The following ADAMTS9 variants were observed in gnomAD, a reference collection of about 807,000 sequenced individuals.
The protein encoded by ADAMTS9 is ADAM metallopeptidase with thrombospondin type 1 motif 9, also known as A disintegrin and metalloproteinase with thrombospondin motifs 9.
A neutral mutation model predicts 257.1 loss-of-function variants in ADAMTS9; 107 were observed. The ratio of observed to expected loss-of-function variants is 0.42; its 90% confidence interval spans 0.36 to 0.49. ADAMTS9 has a LOEUF of 0.49. ADAMTS9 is among the 20% of genes least tolerant of loss of function. ADAMTS9 has a pLI of 0.03. For missense variants in ADAMTS9, 2,353 were observed against 2,469.1 expected (o/e 0.95, Z 1.00); for synonymous variants, 982 against 880.9 (o/e 1.11, Z -2.03).
chr3:64,546,853 T>C lies in ADAMTS9; in HGVS notation c.4969A>G (p.Ile1657Val). 1 of 1,614,120 alleles carries C rather than the reference T, an allele frequency of 6.2e-7. No homozygotes were observed. Residue 1657 changes from isoleucine to valine, a missense_variant, in exon 32 of 40, where the codon ATC becomes GTC. Ile to Val is a conservative substitution (Grantham distance 29). Around this residue, in one of 3 missense-constraint regions of ADAMTS9, gnomAD observed 1,402 missense variants for 1,441.4 expected, o/e 0.97. Transcript: ENST00000498707. ...GGGGGCTGCGTGCCTGGGCAGTTGA[T>C]GGTGGTTTGGTAGCTGTATTCATAA... ...ENYEYSYQTT[I>V]NCPGTQPPSV...
At chr3:64,574,179 C>T (rs894473046) in intron 28 of ADAMTS9, among the ~76,000 whole-genome samples, 3 of 152,126 alleles carry the variant, frequency 2.0e-5, no homozygotes, top group Admixed American at 1.3e-4. Flanking sequence ...TTCAAAAAGG[C>T]CACCCCAAGA....
intron 12 of ADAMTS9, among the ~76,000 whole-genome samples, chr3:64,638,179 A>G (rs1700548023): frequency 1.3e-5 from 2 of 152,182 alleles, no homozygotes; most frequent in African/African-American, 2.4e-5. Flanking sequence ...AGTAAAATAG[A>G]AGCACTGGAA....
chr3:64,562,379 T>C (rs1388146596), intron 29 of ADAMTS9, among the ~76,000 whole-genome samples: 1 of 152,204 alleles, frequency 6.6e-6, no homozygotes, highest in Non-Finnish European at 1.5e-5. Context: ...AAAAACCATT[T>C]CCTCGGGCTT....
At chr3:64,625,524 T>C (rs80051839) in intron 16 of ADAMTS9, among the ~76,000 whole-genome samples, 170 of 152,304 alleles carry the variant, frequency 1.1e-3, no homozygotes, top group African/African-American at 3.9e-3. Flanking sequence ...CATGGGAACC[T>C]CACAGAGTTC....
intron 11 of ADAMTS9, among the ~76,000 whole-genome samples, chr3:64,642,975 G>T (rs1233370239): frequency 2.0e-5 from 3 of 152,284 alleles, no homozygotes; most frequent in African/African-American, 7.2e-5. Flanking sequence ...CCCACACAAG[G>T]CTTGGTAAAC....
At chr3:64,571,585 T>C (rs1022071829) in intron 28 of ADAMTS9, among the ~76,000 whole-genome samples, 6 of 152,216 alleles carry the variant, frequency 3.9e-5, no homozygotes, top group Non-Finnish European at 1.5e-5. Flanking sequence ...GTTTTTGTTT[T>C]TAAATTTGGG....
intron 3 of ADAMTS9, among the ~76,000 whole-genome samples, chr3:64,660,944 G>T (rs922854490): frequency 4.6e-5 from 7 of 152,210 alleles, no homozygotes; most frequent in African/African-American, 1.4e-4. Flanking sequence ...AACTGCAAAA[G>T]TTACGGATAC....
intron 37 of ADAMTS9, among the ~76,000 whole-genome samples, chr3:64,538,058 T>G (rs971447971): frequency 6.6e-6 from 1 of 152,250 alleles, no homozygotes; most frequent in Non-Finnish European, 1.5e-5. Context: ...TTTGCACTTC[T>G]GGTCCGAACA....
chr3:64,685,113 C>T (rs1701863460), intron 2 of ADAMTS9: 1 of 152,264 alleles, frequency 6.6e-6, no homozygotes, highest in Admixed American at 6.5e-5. Flanking sequence ...CAAACAATCT[C>T]GACAGCGCAT....
intron 38 of ADAMTS9, among the ~76,000 whole-genome samples, chr3:64,529,653 T>A (rs1276267139): frequency 1.3e-5 from 2 of 152,154 alleles, no homozygotes; most frequent in African/African-American, 4.8e-5. Flanking sequence ...CCCTGGTTAT[T>A]TGGGGGAAAT....
chr3:64,646,070 T>C (rs953088519), intron 11 of ADAMTS9, among the ~76,000 whole-genome samples: 10 of 152,246 alleles, frequency 6.6e-5, no homozygotes, highest in Non-Finnish European at 1.3e-4. Flanking sequence ...TGAAAATTTT[T>C]CGTTGTTGTG....
chr3:64,587,378 T>C (rs1328248780), intron 28 of ADAMTS9: 1 of 152,202 alleles, frequency 6.6e-6, no homozygotes, highest in Non-Finnish European at 1.5e-5. Context: ...TGTTATTAAT[T>C]GTTAGAGATG....
intron 39 of ADAMTS9, among the ~76,000 whole-genome samples, chr3:64,520,404 A>G (rs561773817): frequency 6.6e-6 from 1 of 152,326 alleles, no homozygotes; most frequent in East Asian, 1.9e-4. Flanking sequence ...CCATCAAATT[A>G]CCAATGTTAT....
intron 37 of ADAMTS9, among the ~76,000 whole-genome samples, chr3:64,536,503 C>T (rs961113393): frequency 1.3e-5 from 2 of 152,168 alleles, no homozygotes; most frequent in African/African-American, 2.4e-5. Flanking sequence ...TTCTGTTGTA[C>T]AGGAGCAAAT....
chr3:64,687,077 G>T lies in ADAMTS9; in HGVS notation c.116-109C>A. On this transcript the variant is annotated intron_variant, in intron 1 of 39. Coordinates refer to ENST00000498707, the MANE Select transcript of ADAMTS9 (RefSeq NM_182920.2). This position sits in a 1 kb window ranked among gnomAD's most constrained non-coding sequence, Gnocchi z 4.4. ...TGACCTTATTTTCCAGCCCATTCGA[G>T]TCAATCCCTTCACCCTTAATCAGTG... 2 of 1,319,822 alleles carry T rather than the reference G, an allele frequency of 1.5e-6. No homozygotes were observed. The highest frequency in any genetic ancestry group is 2.1e-6 in the Non-Finnish European group (2 of 963,890). 81.8% of individuals were successfully genotyped at this position (1,319,822 alleles called of 1,614,324 possible). A position where few individuals can be genotyped will look rare whatever the true frequency, so the allele number is the denominator to read the frequency against.
chr3:64,598,209 A>G (rs1662168618), intron 26 of ADAMTS9, among the ~76,000 whole-genome samples: 1 of 152,130 alleles, frequency 6.6e-6, no homozygotes. Context: ...TAATAGATTT[A>G]TTAGTTCCTC....
chr3:64,652,558 C>A (rs1700956421), intron 8 of ADAMTS9, among the ~76,000 whole-genome samples: 1 of 152,080 alleles, frequency 6.6e-6, no homozygotes, highest in Non-Finnish European at 1.5e-5. Flanking sequence ...ATTCCCCACT[C>A]CCACAATTAC....
At chr3:64,551,195 T>A in intron 30 of ADAMTS9, 133 bp from the exon 31 acceptor site, 1 of 1,097,798 alleles carries the variant, frequency 9.1e-7, no homozygotes, top group Non-Finnish European at 1.3e-6. Context: ...AGAGAACTTC[T>A]CGTTTTTTTG....
At chr3:64,560,936 C>T (rs780169500) in intron 30 of ADAMTS9, among the ~76,000 whole-genome samples, 11 of 152,296 alleles carry the variant, frequency 7.2e-5, no homozygotes, top group South Asian at 2.1e-4. Flanking sequence ...TATAAAACCT[C>T]CCTGGCCAAA....
Sources: allele counts gnomAD v4.1 joint callset (sites outside exome capture counted in the v4.1 genomes callset), GRCh38; gene constraint gnomAD v4.1.1; regional missense constraint gnomAD v4.1.1; non-coding constraint Gnocchi (gnomAD v3.1); transcripts MANE v1.5; gene names NCBI Gene and HGNC (gene_info 2026-07-23, HGNC 2026-07-21).